The following NOLC1 variants were observed in gnomAD, a reference collection of about 807,000 sequenced individuals.
NOLC1 encodes the protein nucleolar and coiled-body phosphoprotein 1.
Under a neutral mutation model 73.4 loss-of-function variants are expected in NOLC1, and 37 were observed. That is an observed-to-expected ratio of 0.50 (90% CI 0.39 to 0.66). The LOEUF (loss-of-function observed/expected upper bound fraction) is 0.66. Among genes scored for constraint, NOLC1 ranks in the 30% least tolerant of loss-of-function variants. NOLC1 has a pLI of 0.00. For missense variants in NOLC1, 921 were observed against 838.9 expected, an observed-to-expected ratio of 1.10 and a Z score of -1.21; for synonymous variants, 327 against 302.6, an observed-to-expected ratio of 1.08 and a Z score of -0.84.
At position 102,157,195 on chromosome 10, in the gene NOLC1, C is replaced by A; in HGVS notation, c.183C>A (p.Ala61=). Residue 61 remains alanine (A), a synonymous_variant, in exon 3 of 13, where the codon GCC becomes GCA. Coordinates refer to ENST00000605788, the MANE Select transcript of NOLC1 (RefSeq NM_004741.5). ...LDIYSFWLKS[A]KVPERKLQAN... ...GTCCAATCTACCTCAGCAGGTCTGC[C>A]AAGGTCCCAGAGCGAAAGTTACAGG... The A allele has an allele frequency of 3.1e-6, 5 of 1,614,090 alleles. No homozygotes were observed. The highest frequency in any genetic ancestry group is 4.2e-6 in the Non-Finnish European group (5 of 1,180,010).
intron 2 of NOLC1, 45 bp downstream of exon 2, chr10:102,157,119 A>G: frequency 1.2e-6 from 2 of 1,614,016 alleles, no homozygotes; most frequent in Non-Finnish European, 1.7e-6. Context: ...CCCCCAAGAT[A>G]GGCTGGGCTG....
At chr10:102,158,483 A>C (rs2069639507) in intron 5 of NOLC1, among the ~76,000 whole-genome samples, 2 of 152,120 alleles carry the variant, frequency 1.3e-5, no homozygotes, top group African/African-American at 4.8e-5. Context: ...TAGACATTTT[A>C]TGTTTTCACA....
At chr10:102,160,088 A>G (rs1229667856) in intron 8 of NOLC1, 64 bp downstream of exon 8, 6 of 1,594,006 alleles carry the variant, frequency 3.8e-6, no homozygotes, top group Non-Finnish European at 5.1e-6. Context: ...GGAATAAGGG[A>G]GAGAGAAAGC....
At position 102,159,917 on chromosome 10, in the gene NOLC1, C is replaced by A; in HGVS notation, c.881C>A (p.Pro294Gln). 1 of 1,602,352 alleles carries A rather than the reference C, an allele frequency of 6.2e-7. No homozygotes were observed. Among genetic ancestry groups the A allele is most frequent in the African/African-American group, 1.3e-5 (1 of 74,424 alleles). Residue 294 changes from proline to glutamine, a missense_variant, in exon 8 of 13, where the codon CCG becomes CAG. Pro to Gln is a moderately conservative substitution (Grantham distance 76). Transcript: ENST00000605788. ...NKPGPYSSVP[P>Q]PSAPPPKKSL... ...ACAGGTCCCTACAGTTCAGTCCCCC[C>A]GCCTTCTGCTCCCCCACCAAAGAAG... is the stretch of plus-strand genomic sequence containing the variant.
chr10:102,162,034 G>T, intron 12 of NOLC1, 77 bp from the exon 13 acceptor site: 1 of 1,603,130 alleles, frequency 6.2e-7, no homozygotes, highest in African/African-American at 1.3e-5. Flanking sequence ...GTTTCCTTGA[G>T]CAGGGAGTAG....
chr10:102,160,436 TC>T lies in NOLC1; in HGVS notation c.1100-13del, dbSNP rs772561239. ...CCAATTTGGGGAGCTGTTGATTCCA[TC>T]CCTTCTGTGTCTAGACTCTGACAGC... is the stretch of plus-strand genomic sequence containing the variant. On this transcript the variant is annotated splice_polypyrimidine_tract_variant and intron_variant, in intron 9 of 12. Transcript: ENST00000605788. 2.0e-5 allele frequency: 33 copies of T among 1,612,436 alleles called. No individual in the cohort carries two copies. In the African/African-American group the frequency reaches 3.1e-4, roughly 15 times the overall value.
chr10:102,155,847 C>G (rs2069585461), intron 1 of NOLC1, among the ~76,000 whole-genome samples: 1 of 151,974 alleles, frequency 6.6e-6, no homozygotes, highest in South Asian at 2.1e-4. Flanking sequence ...ACAGTACTTA[C>G]TAGTCTTGTT....
chr10:102,157,993 C>A, intron 4 of NOLC1, 56 bp from the exon 5 acceptor site: 1 of 1,516,370 alleles, frequency 6.6e-7, no homozygotes, highest in Non-Finnish European at 9.0e-7. Context: ...ACCTAGGATG[C>A]CCTTTGGGTA....
In NOLC1 at chr10:102,155,755, A is replaced by T. The variant is rs1301425166; in HGVS notation, c.121-1264A>T. Among the ~76,000 whole-genome samples the T allele has an allele frequency of 2.7e-5, 4 of 150,410 alleles. No individual in the cohort carries two copies. The East Asian group carries it at 7.9e-4, about 30-fold the overall frequency. Reference sequence around the variant, plus strand: ...AAACTCCTGACATCATGATCTGCCTACCTCGACCTCCCATAGTGCTGGGAT... The same window carrying T: ...AAACTCCTGACATCATGATCTGCCTTCCTCGACCTCCCATAGTGCTGGGAT... On this transcript the variant is annotated intron_variant, in intron 1 of 12. Coordinates refer to ENST00000605788, the MANE Select transcript of NOLC1 (RefSeq NM_004741.5).
rs1353485199 is a variant in NOLC1 at position 102,157,606 on chromosome 10, C to T, written c.441+51C>T. On this transcript the variant is annotated intron_variant, in intron 4 of 12. Coordinates refer to ENST00000605788, the MANE Select transcript of NOLC1 (RefSeq NM_004741.5). Reference sequence around the variant, plus strand: ...GGTTTAAGGATTAGAAAGGAAGAAACCTAAAATCTTGGCCTCTAGCTTGTA... The same window carrying T: ...GGTTTAAGGATTAGAAAGGAAGAAATCTAAAATCTTGGCCTCTAGCTTGTA... The T allele has an allele frequency of 4.4e-6, 7 of 1,583,006 alleles. No individual in the cohort carries two copies. In the South Asian group the frequency reaches 6.9e-5, roughly 16 times the overall value.
intron 1 of NOLC1, among the ~76,000 whole-genome samples, chr10:102,154,047 C>T (rs1367130922): frequency 2.0e-5 from 3 of 150,120 alleles, no homozygotes; most frequent in African/African-American, 7.4e-5. Flanking sequence ...GGGTCAGATG[C>T]TACGCCCTTC....
intron 5 of NOLC1, 98 bp from the exon 6 acceptor site, chr10:102,159,088 AAAAAAAT>A: frequency 2.7e-6 from 3 of 1,121,904 alleles, no homozygotes; most frequent in Non-Finnish European, 2.5e-6. Flanking sequence ...AAAAAAAAAA[AAAAAAAT>A]GGTGGACTCC....
chr10:102,153,969 G>C (rs962179281), intron 1 of NOLC1, among the ~76,000 whole-genome samples: 1 of 152,046 alleles, frequency 6.6e-6, no homozygotes, highest in East Asian at 1.9e-4. Context: ...CACCGTGCCC[G>C]GCCTCAGGAT....
At chr10:102,161,449 C>G (rs2069708217) in intron 10 of NOLC1, 107 bp from the exon 11 acceptor site, 3 of 785,204 alleles carry the variant, frequency 3.8e-6, no homozygotes, top group Admixed American at 2.5e-5. Flanking sequence ...CCAGGCTGAT[C>G]TGAATTTCCT....
intron 1 of NOLC1, among the ~76,000 whole-genome samples, chr10:102,154,069 A>AT (rs58538934): frequency 0.02 from 2,290 of 116,414 alleles, 34 homozygotes; most frequent in Middle Eastern, 0.074. Flanking sequence ...CATGCATTTA[A>AT]TTTTTTTTTT....
chr10:102,161,155 C>T, intron 10 of NOLC1, 62 bp downstream of exon 10: 1 of 1,499,164 alleles, frequency 6.7e-7, no homozygotes, highest in Non-Finnish European at 8.9e-7. Context: ...GGGATATACT[C>T]TTTGAGAGTA....
rs200254431 is a variant in NOLC1 at position 102,161,846 on chromosome 10, C to T, written c.1862C>T (p.Ala621Val). The T allele has an allele frequency of 6.8e-6, 11 of 1,614,062 alleles. No homozygotes were observed. Among genetic ancestry groups the T allele is most frequent in the East Asian group, 4.5e-5 (2 of 44,878 alleles). Residue 621 changes from alanine (A) to valine (V), a missense_variant, in exon 12 of 13, where the codon GCA (alanine) becomes GTA (valine). Coordinates refer to ENST00000605788, the MANE Select transcript of NOLC1 (RefSeq NM_004741.5). ...ATTCTTCTGTAGGGAGAAAAAAGGG[C>T]ATCATCCCCATTCCGAAGGGTCAGG... ...FPKRKKGEKR[A>V]SSPFRRVREE... is the part of the protein sequence containing the mutation.
At chr10:102,157,110 C>T (rs1256785179) in intron 2 of NOLC1, 36 bp downstream of exon 2, 2 of 1,613,964 alleles carry the variant, frequency 1.2e-6, no homozygotes, top group Admixed American at 1.7e-5. Flanking sequence ...CTATTTTCTC[C>T]CCCAAGATAG....
chr10:102,160,189 G>C (rs752912315), intron 8 of NOLC1, 44 bp from the exon 9 acceptor site: 14 of 1,599,876 alleles, frequency 8.8e-6, no homozygotes, highest in African/African-American at 1.3e-5. Context: ...GTCCTGGTTG[G>C]GTTGGGACTC....
Sources: allele counts gnomAD v4.1 joint callset (sites outside exome capture counted in the v4.1 genomes callset), GRCh38; gene constraint gnomAD v4.1.1; transcripts MANE v1.5; gene names NCBI Gene and HGNC (gene_info 2026-07-23, HGNC 2026-07-21).